Variants in RARB observed in about 807,000 individuals in gnomAD.
The protein encoded by RARB is HBV-activated protein.
A neutral mutation model predicts 51.9 loss-of-function variants in RARB; 17 were observed. That is an observed-to-expected ratio of 0.33 (90% CI 0.22 to 0.49). The LOEUF (loss-of-function observed/expected upper bound fraction) is 0.49, where lower values mean the gene tolerates loss of function less well. RARB is among the 20% of genes least tolerant of loss of function. The pLI, the probability that RARB is intolerant of heterozygous loss-of-function variation, is 0.99. For missense variants in RARB, 369 were observed against 550.8 expected (o/e 0.67, Z 3.30); for synonymous variants, 215 against 195.4 (o/e 1.10, Z -0.84).
chr3:25,582,988 G>A (rs551507586), intron 5 of RARB, among the ~76,000 whole-genome samples: 3 of 152,316 alleles, frequency 2.0e-5, no homozygotes, highest in South Asian at 2.1e-4. Context: ...CTGGGTTAAC[G>A]TGGGCAATTT....
At chr3:25,275,514 A>AC (rs1703359595) in intron 5 of RARB, among the ~76,000 whole-genome samples, 1 of 152,180 alleles carries the variant, frequency 6.6e-6, no homozygotes, top group South Asian at 2.1e-4. Flanking sequence ...TACTGCCTGC[A>AC]CCATCCGGAA....
Position 25,345,862 on chromosome 3 carries a change from T to TA in RARB, c.179-115327dup, listed in dbSNP as rs140389090. 1,535 of 907,646 alleles carry TA rather than the reference T, an allele frequency of 1.7e-3. 22 individuals carry two copies. The African/African-American group carries it at 0.025, about 15-fold the overall frequency. The allele number at this position is 907,646 out of a possible 1,614,324, so 56.2% of individuals were successfully genotyped here. ...AGAGACACCTCCAAAATTCATTTCT[T>TA]AAAACAACCACCACTAAATATGTAT... On this transcript the variant is annotated intron_variant, in intron 5 of 11. Coordinates refer to the RARB transcript ENST00000383772.
chr3:25,188,604 T>G (rs919129500), intron 5 of RARB, among the ~76,000 whole-genome samples: 2 of 152,282 alleles, frequency 1.3e-5, no homozygotes, highest in Non-Finnish European at 2.9e-5. Flanking sequence ...AGCGGTATCA[T>G]CTGATATCCA....
At chr3:25,453,243 CTTTTT>C (rs758275411) in intron 1 of RARB, among the ~76,000 whole-genome samples, 12 of 81,980 alleles carry the variant, frequency 1.5e-4, no homozygotes, top group East Asian at 1.1e-3. Context: ...CAAGATTCTG[CTTTTT>C]TTTTTTTTTT....
chr3:25,032,948 T>C (rs1217348146), intron 2 of RARB, among the ~76,000 whole-genome samples: 1 of 152,218 alleles, frequency 6.6e-6, no homozygotes, highest in Admixed American at 6.5e-5. Flanking sequence ...TTGCAACCCA[T>C]AAGCAGTACT....
intron 5 of RARB, among the ~76,000 whole-genome samples, chr3:25,411,800 A>T (rs1707568831): frequency 6.6e-6 from 1 of 152,196 alleles, no homozygotes; most frequent in Non-Finnish European, 1.5e-5. Flanking sequence ...TGACCCTTGG[A>T]CGTCCAGAGA....
At chr3:25,373,667 C>T (rs144068588) in intron 5 of RARB, among the ~76,000 whole-genome samples, 131 of 152,236 alleles carry the variant, frequency 8.6e-4, no homozygotes, top group African/African-American at 3.1e-3. Context: ...GTTGTGTATT[C>T]TTCTACTCTG....
chr3:25,201,536 T>C (rs1042702235), intron 5 of RARB, among the ~76,000 whole-genome samples: 1 of 152,214 alleles, frequency 6.6e-6, no homozygotes, highest in East Asian at 1.9e-4. Context: ...CTTCCAGTTT[T>C]TGTCCATTCA....
chr3:24,949,677 C>G (rs1695848656), intron 2 of RARB, among the ~76,000 whole-genome samples: 1 of 152,194 alleles, frequency 6.6e-6, no homozygotes, highest in Non-Finnish European at 1.5e-5. Flanking sequence ...TCCTTCAATT[C>G]TATCTAAAAT....
chr3:25,274,960 C>T (rs931018710), intron 5 of RARB, among the ~76,000 whole-genome samples: 1 of 152,100 alleles, frequency 6.6e-6, no homozygotes, highest in Non-Finnish European at 1.5e-5. Context: ...TGGTGTGAGC[C>T]AGTAATCAAC....
At chr3:25,222,048 A>G (rs927334334) in intron 5 of RARB, among the ~76,000 whole-genome samples, 1 of 152,216 alleles carries the variant, frequency 6.6e-6, no homozygotes, top group African/African-American at 2.4e-5. Context: ...GGAACGAGCT[A>G]TCACTCTCAT....
At chr3:24,894,185 T>C (rs989129065) in intron 2 of RARB, among the ~76,000 whole-genome samples, 1 of 152,102 alleles carries the variant, frequency 6.6e-6, no homozygotes. Flanking sequence ...TGCATGATGC[T>C]GAGGTTTGGG....
At chr3:25,594,882 TCTTA>T (rs1701758638) in intron 7 of RARB, among the ~76,000 whole-genome samples, 1 of 151,756 alleles carries the variant, frequency 6.6e-6, no homozygotes. Context: ...TATTCAATTA[TCTTA>T]ACGATTGAGA....
chr3:25,280,865 T>C (rs940974380), intron 5 of RARB, among the ~76,000 whole-genome samples: 2 of 152,080 alleles, frequency 1.3e-5, no homozygotes, highest in African/African-American at 4.8e-5. Flanking sequence ...GGTCTTTTTG[T>C]CCTCTGCCCC....
intron 5 of RARB, among the ~76,000 whole-genome samples, chr3:25,283,462 T>C (rs1283081709): frequency 6.6e-6 from 1 of 152,196 alleles, no homozygotes; most frequent in South Asian, 2.1e-4. Flanking sequence ...CTTCAGTTCC[T>C]CTGTATCTCA....
chr3:25,298,743 G>A (rs1703974082), intron 5 of RARB, among the ~76,000 whole-genome samples: 1 of 152,134 alleles, frequency 6.6e-6, no homozygotes, highest in Non-Finnish European at 1.5e-5. Context: ...GGGGGTTGAG[G>A]ATGAGAATTG....
intron 2 of RARB, among the ~76,000 whole-genome samples, chr3:25,489,660 G>T (rs530757026): frequency 7.2e-5 from 11 of 152,272 alleles, no homozygotes; most frequent in Non-Finnish European, 1.2e-4. Flanking sequence ...GTGGGGGCTT[G>T]GCGGGAGCCT....
intron 3 of RARB, among the ~76,000 whole-genome samples, chr3:25,093,479 T>A (rs1026018411): frequency 9.4e-5 from 9 of 95,908 alleles, no homozygotes; most frequent in Non-Finnish European, 1.7e-4. Context: ...ATGTATAGTT[T>A]ACATAATAAT....
chr3:25,364,405 C>T (rs935333434), intron 5 of RARB, among the ~76,000 whole-genome samples: 1 of 152,220 alleles, frequency 6.6e-6, no homozygotes, highest in African/African-American at 2.4e-5. Flanking sequence ...CTATGTACCT[C>T]CTTCCCAGAA....
Sources: gnomAD v4.1 joint callset for allele counts (sites outside exome capture counted in the v4.1 genomes callset) on GRCh38, gnomAD v4.1.1 for gene constraint, MANE v1.5 for transcripts, NCBI Gene and HGNC (gene_info 2026-07-23, HGNC 2026-07-21) for gene names.